Variants in BRD10 observed in about 807,000 individuals in gnomAD.
BRD10 encodes uncharacterized bromodomain-containing protein 10.
At chr9:5,940,428 T>C in the BRD10 span, among the ~76,000 whole-genome samples, 7,890 of 151,600 alleles carry the variant, frequency 0.052, 597 homozygotes, top group African/African-American at 0.16. Context: ...CTCCCAACCT[T>C]GTGATCCGCC....
At chr9:5,897,821 G>A in the BRD10 span, among the ~76,000 whole-genome samples, 1 of 152,158 alleles carries the variant, frequency 6.6e-6, no homozygotes, top group African/African-American at 2.4e-5. Flanking sequence ...CTCTACCTTT[G>A]CCTCTGCTCA....
chr9:6,001,500 T>C, the BRD10 span, among the ~76,000 whole-genome samples: 1 of 152,224 alleles, frequency 6.6e-6, no homozygotes, highest in South Asian at 2.1e-4. Flanking sequence ...CTCTGTACTC[T>C]CCTGCCTCCG....
chr9:5,940,708 AT>A, the BRD10 span, among the ~76,000 whole-genome samples: 1 of 152,144 alleles, frequency 6.6e-6, no homozygotes, highest in South Asian at 2.1e-4. Flanking sequence ...GGGAGGACAA[AT>A]GGGGAGAAAA....
the BRD10 span, among the ~76,000 whole-genome samples, chr9:5,939,706 T>C: frequency 2.0e-5 from 3 of 152,204 alleles, no homozygotes; most frequent in Admixed American, 6.5e-5. Flanking sequence ...CCTTAGCAAA[T>C]ACAGGCTTTT....
the BRD10 span, chr9:5,890,723 G>A: frequency 3.3e-5 from 5 of 152,120 alleles, no homozygotes; most frequent in Non-Finnish European, 5.9e-5. Context: ...GGAAAACAGA[G>A]GCCACAGTCA....
At chr9:5,921,566 G>A in the BRD10 span, 1 of 1,613,902 alleles carries the variant, frequency 6.2e-7, no homozygotes, top group Non-Finnish European at 8.5e-7. Context: ...AGATGGAGCT[G>A]ATACCAGCAT....
chr9:5,949,371 A>AAAC, the BRD10 span, among the ~76,000 whole-genome samples: 208 of 151,972 alleles, frequency 1.4e-3, no homozygotes, highest in South Asian at 4.4e-3. Context: ...ACAAACAAAC[A>AAAC]AACAACAACA....
chr9:5,968,254 A>C, the BRD10 span: 17 of 1,612,526 alleles, frequency 1.1e-5, no homozygotes, highest in Admixed American at 1.7e-5. Context: ...TATCCCTTAC[A>C]ACTTTGTGGC....
At chr9:5,956,384 G>A in the BRD10 span, among the ~76,000 whole-genome samples, 9 of 152,240 alleles carry the variant, frequency 5.9e-5, no homozygotes, top group Admixed American at 3.9e-4. Context: ...ATAAGCTTGA[G>A]TTTTAGAACT....
At chr9:5,988,657 C>G in the BRD10 span, 1 of 718,290 alleles carries the variant, frequency 1.4e-6, no homozygotes, top group South Asian at 1.8e-5. Context: ...GTATTTAAAC[C>G]TTACTTACTT....
the BRD10 span, among the ~76,000 whole-genome samples, chr9:5,887,778 A>G: frequency 4.6e-5 from 7 of 152,278 alleles, no homozygotes; most frequent in Admixed American, 4.6e-4. Context: ...GTCATGGTCT[A>G]TTGTTCTGCC....
the BRD10 span, among the ~76,000 whole-genome samples, chr9:5,961,170 G>A: frequency 6.6e-6 from 1 of 152,162 alleles, no homozygotes; most frequent in Non-Finnish European, 1.5e-5. Context: ...CCCTAAGAAT[G>A]TTATAGAATA....
the BRD10 span, chr9:5,923,306 T>C: frequency 3.2e-6 from 5 of 1,586,544 alleles, no homozygotes; most frequent in Non-Finnish European, 4.3e-6. Context: ...CAACTTCATA[T>C]CATCTGAAAA....
At chr9:5,913,920 C>A in the BRD10 span, 1 of 408,952 alleles carries the variant, frequency 2.4e-6, no homozygotes, top group Non-Finnish European at 4.8e-6. Flanking sequence ...TGTGTAACAT[C>A]AGAAGCATGA....
chr9:5,999,498 CCTT>C, the BRD10 span, among the ~76,000 whole-genome samples: 3 of 151,922 alleles, frequency 2.0e-5, no homozygotes, highest in Non-Finnish European at 4.4e-5. Flanking sequence ...CTAGTTTTCT[CCTT>C]CTCTAATTCA....
At chr9:5,919,961 G>A in the BRD10 span, 2 of 1,614,040 alleles carry the variant, frequency 1.2e-6, no homozygotes, top group African/African-American at 1.3e-5. Flanking sequence ...AGCCAAAAGA[G>A]TAGCTGGAGA....
At chr9:6,004,829 G>A in the BRD10 span, among the ~76,000 whole-genome samples, 1 of 152,114 alleles carries the variant, frequency 6.6e-6, no homozygotes, top group African/African-American at 2.4e-5. Context: ...TCAAAGTTGT[G>A]CCCATTGGAA....
chr9:5,922,641 C>T, the BRD10 span: 4 of 1,613,944 alleles, frequency 2.5e-6, no homozygotes, highest in East Asian at 2.2e-5. Context: ...TTTGCAACTG[C>T]TTTTCCTTCT....
the BRD10 span, among the ~76,000 whole-genome samples, chr9:5,932,867 G>A: frequency 6.6e-6 from 1 of 152,052 alleles, no homozygotes; most frequent in Non-Finnish European, 1.5e-5. Context: ...AGGTATCTCT[G>A]TATTATAAGA....
Sources: gnomAD v4.1 joint callset for allele counts (sites outside exome capture counted in the v4.1 genomes callset) on GRCh38, gnomAD v4.1.1 for gene constraint, MANE v1.5 for transcripts, NCBI Gene and HGNC (gene_info 2026-07-23, HGNC 2026-07-21) for gene names.